FBXL17: variants seen among roughly 807,000 people sequenced by gnomAD.
FBXL17 encodes the protein F-box/LRR-repeat protein 17.
In FBXL17, 22 loss-of-function variants were observed where a neutral mutation model predicts 66.2. The observed-to-expected ratio is 0.33, with a 90% CI of 0.24 to 0.47. The LOEUF is 0.47. FBXL17 is among the 20% of genes least tolerant of loss of function. FBXL17 has a pLI of 1.00. For synonymous variants in FBXL17, 474 were observed against 400.5 expected (o/e 1.18, Z -2.19); for missense variants, 878 against 948.2 (o/e 0.93, Z 0.97).
chr5:108,031,232 A>T (rs539526389), intron 6 of FBXL17, among the ~76,000 whole-genome samples: 1 of 152,276 alleles, frequency 6.6e-6, no homozygotes, highest in East Asian at 1.9e-4. Context: ...TTGCACAATT[A>T]CTAAGGAGCC....
intron 6 of FBXL17, among the ~76,000 whole-genome samples, chr5:108,043,343 A>G (rs1747124515): frequency 6.6e-6 from 1 of 152,014 alleles, no homozygotes; most frequent in Non-Finnish European, 1.5e-5. Flanking sequence ...GTTTCTTTCT[A>G]CAAGTTTTAT....
At chr5:108,099,050 C>A (rs1749500610) in intron 6 of FBXL17, among the ~76,000 whole-genome samples, 1 of 152,138 alleles carries the variant, frequency 6.6e-6, no homozygotes, top group African/African-American at 2.4e-5. Flanking sequence ...TCAATAGTTA[C>A]CAGCAACTAC....
In FBXL17 at chr5:108,205,415, T is replaced by C. The variant is rs527333804; in HGVS notation, c.1614+18706A>G. On this transcript the variant is annotated intron_variant, in intron 5 of 8. Coordinates refer to ENST00000542267, the MANE Select transcript of FBXL17 (RefSeq NM_001163315.3). ...CAAAACTAACAATAATACTTTGTTA[T>C]CATTCAATGACCACTTCACATTCAA... Among the ~76,000 whole-genome samples, 4 of 152,282 alleles carry C rather than the reference T, an allele frequency of 2.6e-5. No individual in the cohort carries two copies. In the South Asian group the frequency reaches 6.2e-4, roughly 24 times the overall value.
At chr5:107,880,225 G>A in intron 8 of FBXL17, 1 of 312,528 alleles carries the variant, frequency 3.2e-6, no homozygotes, top group Non-Finnish European at 4.7e-6. Flanking sequence ...GTGCCATTAT[G>A]CCTGGCTAAT....
At chr5:107,880,253 G>T in intron 8 of FBXL17, 1 of 495,930 alleles carries the variant, frequency 2.0e-6, no homozygotes, top group Non-Finnish European at 2.6e-6. Context: ...TGTTGGGGGA[G>T]AGGGGGATAG....
At chr5:108,063,967 G>C (rs982074161) in intron 6 of FBXL17, among the ~76,000 whole-genome samples, 3 of 151,992 alleles carry the variant, frequency 2.0e-5, no homozygotes, top group African/African-American at 4.8e-5. Flanking sequence ...ACATTAACAT[G>C]ACACTAAAGA....
intron 6 of FBXL17, among the ~76,000 whole-genome samples, chr5:108,154,721 A>ATACACATATATC (rs1751929977): frequency 6.8e-6 from 1 of 147,948 alleles, no homozygotes; most frequent in South Asian, 2.1e-4. Flanking sequence ...GTGTATATAT[A>ATACACATATATC]TGAAAAAAGA....
rs116549716 is a variant in FBXL17, at chr5:108,048,824, G to A, written c.1746-27823C>T. ...GGGACTACGTAAAAAGGCGGAACCT[G>A]GGATTGACTGGAGTACCTAAAGGAG... On this transcript the variant is annotated intron_variant, in intron 6 of 8. Transcript: ENST00000542267. Among the ~76,000 whole-genome samples the A allele has an allele frequency of 5.8e-3, 887 of 152,224 alleles. 5 individuals carry two copies. Among genetic ancestry groups the A allele is most frequent in the African/African-American group, 0.018 (735 of 41,532 alleles).
chr5:108,381,276 G>C lies in FBXL17; in HGVS notation c.416C>G (p.Ser139Cys), dbSNP rs1267762764. 1 of 1,420,658 alleles carries C rather than the reference G, an allele frequency of 7.0e-7. No homozygotes were observed. Among genetic ancestry groups the C allele is most frequent in the Admixed American group, 2.9e-5 (1 of 34,318 alleles). The allele number at this position is 1,420,658 out of a possible 1,614,324, so 88.0% of individuals were successfully genotyped here. A position where few individuals can be genotyped will look rare whatever the true frequency, so the allele number is the denominator to read the frequency against. Residue 139 changes from serine (S) to cysteine (C), a missense_variant, in exon 1 of 9, where the codon TCC becomes TGC. Physicochemically the swap from Ser to Cys is moderately radical, Grantham distance 112. Transcript: ENST00000542267. ...AGCCAGCCCCAACTCTTTGCAGCAG[G>C]AGGCGGGCGACGAAGCCGAGGCGGC... ...AAAASASSPA[S>C]CCKELGLAAA... is the part of the protein sequence containing the mutation.
intron 4 of FBXL17, among the ~76,000 whole-genome samples, chr5:108,281,951 T>C (rs759092611): frequency 4.6e-5 from 7 of 151,328 alleles, no homozygotes; most frequent in Non-Finnish European, 1.0e-4. Context: ...CCTCCCAAGG[T>C]TGCATCAGGA....
intron 3 of FBXL17, among the ~76,000 whole-genome samples, chr5:108,357,001 C>A (rs991776731): frequency 1.8e-4 from 27 of 151,798 alleles, no homozygotes; most frequent in Admixed American, 4.6e-4. Context: ...TTTTAAAAGT[C>A]AAAAGAGCAT....
intron 4 of FBXL17, among the ~76,000 whole-genome samples, chr5:108,332,804 C>T (rs528274954): frequency 5.7e-4 from 87 of 151,998 alleles, no homozygotes; most frequent in Non-Finnish European, 1.1e-3. Flanking sequence ...GATGGAGTTT[C>T]GCCATGTTTG....
chr5:108,013,100 A>G (rs114708108), intron 7 of FBXL17, among the ~76,000 whole-genome samples: 2,501 of 151,790 alleles, frequency 0.016, 80 homozygotes, highest in African/African-American at 0.057. Flanking sequence ...AAAACATCCA[A>G]TACATTTTAT....
chr5:108,007,906 C>T (rs540698992), intron 7 of FBXL17, among the ~76,000 whole-genome samples: 1 of 152,236 alleles, frequency 6.6e-6, no homozygotes, highest in East Asian at 1.9e-4. Flanking sequence ...GCTCTAGAAT[C>T]AGCATGTTCC....
At chr5:108,213,997 C>A (rs1308897597) in intron 5 of FBXL17, among the ~76,000 whole-genome samples, 1 of 152,148 alleles carries the variant, frequency 6.6e-6, no homozygotes, top group Non-Finnish European at 1.5e-5. Context: ...CCCTTATCTG[C>A]AGTTTCACTT....
At chr5:108,231,123 G>A (rs569736666) in intron 4 of FBXL17, among the ~76,000 whole-genome samples, 28 of 152,106 alleles carry the variant, frequency 1.8e-4, no homozygotes, top group Non-Finnish European at 3.1e-4. Context: ...AAATGGCTAT[G>A]CCATAATCCA....
chr5:108,285,475 C>A (rs1445056420), intron 4 of FBXL17, among the ~76,000 whole-genome samples: 1 of 151,778 alleles, frequency 6.6e-6, no homozygotes, highest in Non-Finnish European at 1.5e-5. Flanking sequence ...TAAATTACTC[C>A]TTAATCCACA....
At chr5:108,092,203 CT>C (rs989420034) in intron 6 of FBXL17, among the ~76,000 whole-genome samples, 24 of 151,864 alleles carry the variant, frequency 1.6e-4, no homozygotes, top group Admixed American at 1.4e-3. Context: ...GAGATCTGGA[CT>C]TTTTCAAACG....
intron 6 of FBXL17, among the ~76,000 whole-genome samples, chr5:108,135,725 C>T (rs753784621): frequency 1.9e-4 from 29 of 152,042 alleles, no homozygotes; most frequent in African/African-American, 4.3e-4. Flanking sequence ...TCTTAATTTT[C>T]GATTTAGGGC....
Sources: allele counts gnomAD v4.1 joint callset (sites outside exome capture counted in the v4.1 genomes callset), GRCh38; gene constraint gnomAD v4.1.1; transcripts MANE v1.5; gene names NCBI Gene and HGNC (gene_info 2026-07-23, HGNC 2026-07-21).